Variants in NTN1 observed in about 807,000 individuals in gnomAD.
The protein encoded by NTN1 is netrin-1.
A neutral mutation model predicts 54.2 loss-of-function variants in NTN1; 11 were observed. The observed-to-expected ratio is 0.20, with a 90% confidence interval of 0.13 to 0.34. The LOEUF (loss-of-function observed/expected upper bound fraction) is 0.34. NTN1 is among the 10% of genes least tolerant of loss of function. The pLI is 1.00. For missense variants in NTN1, 740 were observed against 893.1 expected (o/e 0.83, Z 2.18); for synonymous variants, 371 against 382.0 (o/e 0.97, Z 0.33).
chr17:9,029,820 C>T (rs148434234), intron 2 of NTN1, among the ~76,000 whole-genome samples: 4 of 152,002 alleles, frequency 2.6e-5, no homozygotes, highest in African/African-American at 4.8e-5. Flanking sequence ...GGTGAAACCC[C>T]GTGTCTACTA....
In NTN1 at chr17:9,219,905, C is replaced by G. The variant is rs1905293135; in HGVS notation, c.1412-1263C>G. ...CTCTTTTCCTAATCCCTCACCAGGA[C>G]ACACACCCAGCCAACTTCCATCAAC... On this transcript the variant is annotated intron_variant, in intron 5 of 6. Coordinates refer to ENST00000173229, the MANE Select transcript of NTN1 (RefSeq NM_004822.3). This position sits in a 1 kb window ranked among gnomAD's most constrained non-coding sequence, Gnocchi z 4.5. Among the ~76,000 whole-genome samples the G allele has an allele frequency of 6.6e-6, 1 of 152,230 alleles. No individual in the cohort carries two copies. Among genetic ancestry groups the G allele is most frequent in the Non-Finnish European group, 1.5e-5 (1 of 68,034 alleles).
chr17:9,098,027 A>C (rs182831879), intron 2 of NTN1, among the ~76,000 whole-genome samples: 5 of 152,252 alleles, frequency 3.3e-5, no homozygotes, highest in Admixed American at 6.5e-5. Flanking sequence ...TAGGTTCTGA[A>C]TGAAGATCAG....
Position 9,239,809 on chromosome 17 carries a change from C to T in NTN1, c.1656C>T (p.Leu552=). ...IACKCPKIKP[L]KKYLLLGNAE... is the part of the protein sequence containing the mutation. ...GCAAGTGTCCCAAAATCAAGCCCCT[C>T]AAGAAGTACCTGCTGCTGGGCAACG... Residue 552 remains leucine, a synonymous_variant, in exon 7 of 7, where the codon CTC becomes CTT. Coordinates refer to ENST00000173229, the MANE Select transcript of NTN1 (RefSeq NM_004822.3). The surrounding 1 kb of genome is among the most constrained non-coding windows in gnomAD (Gnocchi z 5.2). The T allele has an allele frequency of 6.2e-7, 1 of 1,613,760 alleles. No individual in the cohort carries two copies. The highest frequency in any genetic ancestry group is 1.1e-5 in the South Asian group (1 of 91,068).
intron 6 of NTN1, among the ~76,000 whole-genome samples, chr17:9,226,406 G>T (rs1905550377): frequency 6.6e-6 from 1 of 150,762 alleles, no homozygotes; most frequent in Non-Finnish European, 1.5e-5. Flanking sequence ...CTAAGGGGTG[G>T]GGGCCGTGGG....
At chr17:9,076,795 C>T (rs1253208248) in intron 2 of NTN1, among the ~76,000 whole-genome samples, 1 of 152,218 alleles carries the variant, frequency 6.6e-6, no homozygotes, top group Non-Finnish European at 1.5e-5. Flanking sequence ...AAGTGACTTT[C>T]CAGGGTATTT....
At chr17:9,007,400 CTCT>C in the NTN1 span, among the ~76,000 whole-genome samples, 15 of 142,366 alleles carry the variant, frequency 1.1e-4, no homozygotes, top group East Asian at 1.0e-3. Flanking sequence ...CTCTCTTTCT[CTCT>C]TCTTTTCTTC....
rs925694231 is a variant in NTN1 at position 9,243,714 on chromosome 17, C to T, written c.*3746C>T. The T allele has an allele frequency of 6.6e-6, 1 of 152,274 alleles. No homozygotes were observed. Among genetic ancestry groups the T allele is most frequent in the Non-Finnish European group, 1.5e-5 (1 of 68,074 alleles). 9.4% of individuals were successfully genotyped at this position (152,274 alleles called of 1,614,324 possible). ...GCACTTCCCCTCCTCCCTCTGCCCCCTCCTGTGTTTTGGATTTCTGTTCAC... is the reference window on the plus strand; with the variant it reads ...GCACTTCCCCTCCTCCCTCTGCCCCTTCCTGTGTTTTGGATTTCTGTTCAC... On this transcript the variant is annotated 3_prime_UTR_variant, in exon 7 of 7. Transcript: ENST00000173229.
intron 2 of NTN1, among the ~76,000 whole-genome samples, chr17:9,083,095 G>GT (rs972505551): frequency 1.3e-4 from 19 of 149,104 alleles, no homozygotes; most frequent in Non-Finnish European, 2.2e-4. Context: ...TTGTCCGTGG[G>GT]TTTTTTTTTT....
At chr17:9,092,665 C>A (rs2092115751) in intron 2 of NTN1, among the ~76,000 whole-genome samples, 1 of 152,098 alleles carries the variant, frequency 6.6e-6, no homozygotes, top group African/African-American at 2.4e-5. Flanking sequence ...GCGATGTCAG[C>A]TCATTGCAAC....
chr17:9,053,163 C>G (rs1314792480), intron 2 of NTN1, among the ~76,000 whole-genome samples: 1 of 152,122 alleles, frequency 6.6e-6, no homozygotes, highest in Non-Finnish European at 1.5e-5. Flanking sequence ...TGTCTGTGGC[C>G]GCTTTCCATA....
At position 9,165,794 on chromosome 17, in the gene NTN1, T is replaced by A. The variant is rs1470202926; in HGVS notation, c.1207+2793T>A. Among the ~76,000 whole-genome samples, 1 of 152,142 alleles carries A rather than the reference T, an allele frequency of 6.6e-6. No homozygotes were observed. The highest frequency in any genetic ancestry group is 1.5e-5 in the Non-Finnish European group (1 of 68,018). On this transcript the variant is annotated intron_variant, in intron 3 of 6. Transcript: ENST00000173229. The surrounding 1 kb of genome is among the most constrained non-coding windows in gnomAD (Gnocchi z 4.5). ...CACTTAAAAATATTTGCCACCTGATTGGTGAGGAAAGACAGGGCTTTGAGG... is the reference window on the plus strand; with the variant it reads ...CACTTAAAAATATTTGCCACCTGATAGGTGAGGAAAGACAGGGCTTTGAGG...
rs907977777 is a variant in NTN1, at chr17:9,239,528, T to A, written c.1487-112T>A. ...CCACGCGCTCCTGTATGGGCCACTCTGTGCAGTCACTTCCTGGGGCTGGGT... is the reference window on the plus strand; with the variant it reads ...CCACGCGCTCCTGTATGGGCCACTCAGTGCAGTCACTTCCTGGGGCTGGGT... On this transcript the variant is annotated intron_variant, in intron 6 of 6. Transcript: ENST00000173229. This position sits in a 1 kb window ranked among gnomAD's most constrained non-coding sequence, Gnocchi z 5.2. 1 of 1,049,492 alleles carries A rather than the reference T, an allele frequency of 9.5e-7. No individual in the cohort carries two copies. Among genetic ancestry groups the A allele is most frequent in the East Asian group, 2.5e-5 (1 of 39,888 alleles). The allele number at this position is 1,049,492 out of a possible 1,614,324, so 65.0% of individuals were successfully genotyped here.
At position 9,196,766 on chromosome 17, in the gene NTN1, G is replaced by T. The variant is rs144048815; in HGVS notation, c.1411+13797G>T. Among the ~76,000 whole-genome samples, 417 of 152,242 alleles carry T rather than the reference G, an allele frequency of 2.7e-3. 1 individual carries two copies. The highest frequency in any genetic ancestry group is 9.3e-3 in the African/African-American group (387 of 41,534). Reference sequence around the variant, plus strand: ...TTTGTGGTCTCTGCTTGAGTACAGTGTATTGTGGGATTAAGGAAAGGAGAA... The same window carrying T: ...TTTGTGGTCTCTGCTTGAGTACAGTTTATTGTGGGATTAAGGAAAGGAGAA... On this transcript the variant is annotated intron_variant, in intron 5 of 6. Transcript: ENST00000173229.
intron 2 of NTN1, among the ~76,000 whole-genome samples, chr17:9,121,047 G>T (rs1272697366): frequency 6.6e-6 from 1 of 152,154 alleles, no homozygotes; most frequent in Admixed American, 6.5e-5. Context: ...GTGGGACCAG[G>T]ATGGAGGGCT....
chr17:9,032,772 C>T (rs2091891827), intron 2 of NTN1, among the ~76,000 whole-genome samples: 1 of 152,160 alleles, frequency 6.6e-6, no homozygotes, highest in Non-Finnish European at 1.5e-5. Context: ...GCTCGTTTTC[C>T]TCTCCCCGAA....
intron 2 of NTN1, among the ~76,000 whole-genome samples, chr17:9,087,085 G>A (rs562202322): frequency 1.2e-4 from 18 of 152,270 alleles, no homozygotes; most frequent in African/African-American, 4.3e-4. Flanking sequence ...TGAAGAAAAT[G>A]AGGATCCTAA....
At chr17:9,229,156 CTG>C (rs1226065535) in intron 6 of NTN1, among the ~76,000 whole-genome samples, 11 of 91,628 alleles carry the variant, frequency 1.2e-4, no homozygotes, top group Non-Finnish European at 1.3e-4. Flanking sequence ...CTGTTTGTGA[CTG>C]TGTGAGACTG....
chr17:9,131,794 G>T (rs1417398643), intron 2 of NTN1, among the ~76,000 whole-genome samples: 1 of 151,320 alleles, frequency 6.6e-6, no homozygotes, highest in African/African-American at 2.4e-5. Context: ...GCTGGCCCTT[G>T]ATGCTTTTTT....
intron 3 of NTN1, among the ~76,000 whole-genome samples, chr17:9,166,109 C>A (rs2092372182): frequency 6.6e-6 from 1 of 151,248 alleles, no homozygotes. Flanking sequence ...GGATGTGTAC[C>A]CTTGAGATCT....
Sources: gnomAD v4.1 joint callset for allele counts (sites outside exome capture counted in the v4.1 genomes callset) on GRCh38, gnomAD v4.1.1 for gene constraint, Gnocchi (gnomAD v3.1) non-coding constraint, MANE v1.5 for transcripts, NCBI Gene and HGNC (gene_info 2026-07-23, HGNC 2026-07-21) for gene names.